Variants in ALDH5A1 observed in about 807,000 individuals in gnomAD.
The protein encoded by ALDH5A1 is aldehyde dehydrogenase 5 family member A1.
In ALDH5A1, 33 loss-of-function variants were observed where a neutral mutation model predicts 54.7. The observed-to-expected ratio is 0.60, with a 90% CI of 0.46 to 0.81. ALDH5A1 has a LOEUF of 0.81. Among genes scored for constraint, ALDH5A1 ranks in the 30% least tolerant of loss-of-function variants. ALDH5A1 has a pLI of 0.00. For missense variants in ALDH5A1, 657 were observed against 711.0 expected (o/e 0.92, Z 0.86); for synonymous variants, 294 against 292.7 (o/e 1.00, Z -0.05).
At chr6:24,508,342 C>A in intron 4 of ALDH5A1, among the ~76,000 whole-genome samples, 1 of 112,896 alleles carries the variant, frequency 8.9e-6, no homozygotes. Flanking sequence ...AGCCAGGTGA[C>A]AGAGCAAGAC....
rs549434352 is a variant in ALDH5A1 at position 24,516,424 on chromosome 6, G to A, written c.870+1114G>A. On this transcript the variant is annotated intron_variant, in intron 5 of 9. Coordinates refer to ENST00000357578, the MANE Select transcript of ALDH5A1 (RefSeq NM_001080.3). Reference sequence around the variant, plus strand: ...CCACTGCACTCCAGCCTGGGCGACAGAGTGAGACTCTGTCTCAAAAAAAAA... The same window carrying A: ...CCACTGCACTCCAGCCTGGGCGACAAAGTGAGACTCTGTCTCAAAAAAAAA... 2.4e-3 allele frequency among the ~76,000 whole-genome samples: 295 copies of A among 124,030 alleles called. 4 individuals carry two copies. The South Asian group carries it at 0.037, about 16-fold the overall frequency. 81.4% of individuals were successfully genotyped at this position (124,030 alleles called of 152,430 possible).
intron 7 of ALDH5A1, among the ~76,000 whole-genome samples, chr6:24,527,189 A>G (rs371074183): frequency 6.6e-6 from 1 of 151,768 alleles, no homozygotes; most frequent in Admixed American, 6.6e-5. Flanking sequence ...TTCTGTACTC[A>G]AGCAAATTAT....
intron 7 of ALDH5A1, among the ~76,000 whole-genome samples, chr6:24,526,002 C>T (rs1447625983): frequency 1.3e-5 from 2 of 152,002 alleles, no homozygotes; most frequent in Non-Finnish European, 2.9e-5. Flanking sequence ...GCTTCAAGAG[C>T]GAGGCTAGGT....
chr6:24,514,476 C>A (rs1759522679), intron 4 of ALDH5A1, among the ~76,000 whole-genome samples: 1 of 152,168 alleles, frequency 6.6e-6, no homozygotes, highest in Admixed American at 6.5e-5. Flanking sequence ...CGGTGGCTCA[C>A]AACTGTAATC....
At chr6:24,506,273 T>TTTTTTTTTTTTTTTTTTG (rs1390825941) in intron 4 of ALDH5A1, among the ~76,000 whole-genome samples, 1 of 105,014 alleles carries the variant, frequency 9.5e-6, no homozygotes, top group Non-Finnish European at 1.8e-5. Flanking sequence ...TTTTTTTTTT[T>TTTTTTTTTTTTTTTTTTG]GAGACAGTCT....
In ALDH5A1 at chr6:24,520,482, A is replaced by G. The variant is rs1383607769; in HGVS notation, c.952A>G (p.Ser318Gly). ...GGLAPFIVFD[S>G]ANVDQAVAGA... The stretch of plus-strand genomic sequence containing the variant: ...CCTTGCTCCATTTATAGTATTTGAC[A>G]GTGCCAACGTGGACCAGGCTGTAGC... The change falls in exon 6 of 10, where the codon AGT (serine) becomes GGT (glycine). Residue 318 changes from serine to glycine, a missense_variant. By Grantham distance (56) the Ser-to-Gly change is moderately conservative (BLOSUM62 0). Transcript: ENST00000357578. The G allele has an allele frequency of 8.1e-6, 13 of 1,614,200 alleles. No individual in the cohort carries two copies. Among genetic ancestry groups the G allele is most frequent in the Non-Finnish European group, 1.1e-5 (13 of 1,180,036 alleles).
At chr6:24,529,164 CTTTT>C (rs200824478) in intron 8 of ALDH5A1, among the ~76,000 whole-genome samples, 1 of 150,446 alleles carries the variant, frequency 6.6e-6, no homozygotes, top group South Asian at 2.1e-4. Context: ...CTTTTTTTTT[CTTTT>C]TTTTGTTTTT....
intron 7 of ALDH5A1, 107 bp downstream of exon 7, chr6:24,523,032 G>T: frequency 6.7e-6 from 3 of 444,598 alleles, no homozygotes; most frequent in Admixed American, 2.7e-5. Context: ...AGAGGGGTGG[G>T]TTGACAGAAT....
At chr6:24,496,091 C>T (rs1764698757) in intron 1 of ALDH5A1, among the ~76,000 whole-genome samples, 1 of 152,136 alleles carries the variant, frequency 6.6e-6, no homozygotes, top group African/African-American at 2.4e-5. Context: ...TTACCGTGTC[C>T]TTCAAAGCTC....
At chr6:24,514,503 C>T (rs187064800) in intron 4 of ALDH5A1, among the ~76,000 whole-genome samples, 260 of 152,232 alleles carry the variant, frequency 1.7e-3, no homozygotes, top group African/African-American at 5.9e-3. Context: ...CTTTGGGAGG[C>T]TGAGGTGGGC....
In ALDH5A1 at chr6:24,518,369, T is replaced by G. The variant is rs1309398269; in HGVS notation, c.871-2032T>G. Among the ~76,000 whole-genome samples the G allele has an allele frequency of 6.6e-6, 1 of 152,140 alleles. No homozygotes were observed. Among genetic ancestry groups the G allele is most frequent in the East Asian group, 1.9e-4 (1 of 5,190 alleles). On this transcript the variant is annotated intron_variant, in intron 5 of 9. Transcript: ENST00000357578. This position sits in a 1 kb window ranked among gnomAD's most constrained non-coding sequence, Gnocchi z 4.2. ...TACCCAGTGGCCAGGGCAAGCCGCC[T>G]TCCTGGAGAAGCAGAGACTGAGTGG...
chr6:24,514,715 G>A (rs1486455385), intron 4 of ALDH5A1, among the ~76,000 whole-genome samples: 2 of 151,616 alleles, frequency 1.3e-5, no homozygotes, highest in Non-Finnish European at 2.9e-5. Flanking sequence ...GGGTGACAGA[G>A]CAAGACTGTC....
chr6:24,495,353 G>C lies in ALDH5A1; in HGVS notation c.354+3G>C. 1.3e-6 allele frequency: 2 copies of C among 1,532,668 alleles called. No homozygotes were observed. The highest frequency in any genetic ancestry group is 1.4e-5 in the African/African-American group (1 of 73,040). The allele number at this position is 1,532,668 out of a possible 1,614,324, so 94.9% of individuals were successfully genotyped here. On this transcript the variant is annotated splice_donor_region_variant and intron_variant, in intron 1 of 9. Transcript: ENST00000357578. ...GCTGGAGGGAGGTCTCCGCCAAGGT[G>C]AGAGAGCCCGGATGCAGGGGGCCAG...
At chr6:24,514,326 T>G (rs1421422128) in intron 4 of ALDH5A1, among the ~76,000 whole-genome samples, 1 of 152,236 alleles carries the variant, frequency 6.6e-6, no homozygotes, top group Non-Finnish European at 1.5e-5. Flanking sequence ...TTTCCCACCC[T>G]TGATTCTACA....
At position 24,527,997 on chromosome 6, in the gene ALDH5A1, G is replaced by T; in HGVS notation, c.1174G>T (p.Val392Leu). The T allele has an allele frequency of 1.2e-6, 2 of 1,613,904 alleles. No homozygotes were observed. The highest frequency in any genetic ancestry group is 1.7e-6 in the Non-Finnish European group (2 of 1,179,906). Residue 392 changes from valine (V) to leucine (L), a missense_variant and splice_region_variant, in exon 8 of 10, where the codon GTG (valine) becomes TTG (leucine). Coordinates refer to ENST00000357578, the MANE Select transcript of ALDH5A1 (RefSeq NM_001080.3). The part of the protein sequence containing the change: ...PLINEKAVEK[V>L]EKQVNDAVSK... ...GCTTTTTTTCTTCCTCATTACACAG[G>T]TGGAGAAACAGGTGAATGATGCCGT...
At chr6:24,512,465 G>C (rs1035259826) in intron 4 of ALDH5A1, among the ~76,000 whole-genome samples, 1 of 152,124 alleles carries the variant, frequency 6.6e-6, no homozygotes, top group African/African-American at 2.4e-5. Flanking sequence ...TGTTGTGTTT[G>C]TTCATGCTTG....
intron 7 of ALDH5A1, among the ~76,000 whole-genome samples, chr6:24,525,177 AG>A (rs1246773543): frequency 6.6e-6 from 1 of 152,248 alleles, no homozygotes; most frequent in African/African-American, 2.4e-5. Flanking sequence ...TAATATGACA[AG>A]AAAAGGGCAG....
chr6:24,516,886 G>C (rs1759585976), intron 5 of ALDH5A1, among the ~76,000 whole-genome samples: 1 of 152,172 alleles, frequency 6.6e-6, no homozygotes, highest in Non-Finnish European at 1.5e-5. Context: ...TCATGTCACT[G>C]CACTCTAGCC....
rs1759951068 is a variant in ALDH5A1, at chr6:24,532,258, C to G, written c.1402+81C>G. ...CAGATTTACCCTTTTAAACATCACC[C>G]TGGGTTTTGAGACAGAAACTTCAAT... On this transcript the variant is annotated intron_variant, in intron 9 of 9. Coordinates refer to ENST00000357578, the MANE Select transcript of ALDH5A1 (RefSeq NM_001080.3). The G allele has an allele frequency of 1.3e-5, 19 of 1,446,958 alleles. No individual in the cohort carries two copies. In the South Asian group the frequency reaches 2.1e-4, roughly 16 times the overall value. The allele number at this position is 1,446,958 out of a possible 1,614,324, so 89.6% of individuals were successfully genotyped here.
Sources: allele counts gnomAD v4.1 joint callset (sites outside exome capture counted in the v4.1 genomes callset), GRCh38; gene constraint gnomAD v4.1.1; non-coding constraint Gnocchi (gnomAD v3.1); transcripts MANE v1.5; gene names NCBI Gene and HGNC (gene_info 2026-07-23, HGNC 2026-07-21).